The following TCF7L2 variants were observed in gnomAD, a reference collection of about 807,000 sequenced individuals.
TCF7L2 encodes transcription factor 7-like 2.
Under a neutral mutation model 77.9 loss-of-function variants are expected in TCF7L2, and 23 were observed. That is an observed-to-expected ratio of 0.30 (90% CI 0.21 to 0.42). The LOEUF is 0.42. Among genes scored for constraint, TCF7L2 ranks in the 10% least tolerant of loss-of-function variants. The pLI is 1.00. For missense variants in TCF7L2, 654 were observed against 793.1 expected, an observed-to-expected ratio of 0.82 and a Z score of 2.11; for synonymous variants, 413 against 340.2, an observed-to-expected ratio of 1.21 and a Z score of -2.36.
At chr10:113,011,954 T>C (rs1223485141) in intron 4 of TCF7L2, among the ~76,000 whole-genome samples, 3 of 152,302 alleles carry the variant, frequency 2.0e-5, no homozygotes, top group East Asian at 3.9e-4. Flanking sequence ...TGAGCATTAC[T>C]ACCTCAAGGA....
chr10:113,116,552 T>G (rs898859506), intron 5 of TCF7L2, among the ~76,000 whole-genome samples: 2 of 152,222 alleles, frequency 1.3e-5, no homozygotes, highest in African/African-American at 4.8e-5. Flanking sequence ...AAGTACAGAT[T>G]AAGCCTGGGG....
At chr10:113,115,740 G>A (rs1476057320) in intron 5 of TCF7L2, among the ~76,000 whole-genome samples, 8 of 152,008 alleles carry the variant, frequency 5.3e-5, no homozygotes, top group Admixed American at 2.6e-4. Context: ...AGCTGTGTGC[G>A]GCCTCCATTT....
intron 4 of TCF7L2, among the ~76,000 whole-genome samples, chr10:112,983,246 C>G (rs1388623959): frequency 6.6e-6 from 1 of 151,682 alleles, no homozygotes; most frequent in Non-Finnish European, 1.5e-5. Flanking sequence ...CCGAGGCGGG[C>G]AGATCATGAG....
At chr10:112,964,714 A>AATGATG (rs982801293) in intron 4 of TCF7L2, 90 bp downstream of exon 4, 31 of 950,252 alleles carry the variant, frequency 3.3e-5, no homozygotes, top group African/African-American at 8.1e-5. Context: ...CAACTGAGAT[A>AATGATG]ATGATGATGA....
At chr10:113,148,059 G>A (rs2069884656) in intron 8 of TCF7L2, among the ~76,000 whole-genome samples, 1 of 152,200 alleles carries the variant, frequency 6.6e-6, no homozygotes, top group African/African-American at 2.4e-5. Flanking sequence ...GCAAATGTAG[G>A]CAGCTTGCCC....
At chr10:113,028,690 G>A (rs1305241729) in intron 4 of TCF7L2, among the ~76,000 whole-genome samples, 1 of 152,148 alleles carries the variant, frequency 6.6e-6, no homozygotes, top group Admixed American at 6.5e-5. Context: ...CAAGTCTTTC[G>A]TTGTCTTTTG....
intron 5 of TCF7L2, among the ~76,000 whole-genome samples, chr10:113,045,409 G>T (rs776618433): frequency 1.2e-4 from 18 of 152,188 alleles, no homozygotes; most frequent in Non-Finnish European, 2.2e-4. Flanking sequence ...CTCAACCACT[G>T]CAGAGAAGCT....
intron 3 of TCF7L2, among the ~76,000 whole-genome samples, chr10:112,962,825 C>T (rs377114569): frequency 6.6e-6 from 1 of 152,310 alleles, no homozygotes; most frequent in African/African-American, 2.4e-5. Flanking sequence ...TCTCAAACCT[C>T]TGACCTCAGG....
rs2070652304 is a variant in TCF7L2, at chr10:113,151,030, C to T, written c.908C>T (p.Thr303Met). The change falls in exon 9 of 14, where the codon ACG becomes ATG. Residue 303 changes from threonine (T) to methionine (M), a missense_variant. This residue lies in a region of TCF7L2 where 179 missense variants were observed against 270.6 expected (regional missense o/e 0.66). Coordinates refer to ENST00000627217, the MANE Select transcript of TCF7L2 (RefSeq NM_001146274.2). The surrounding 1 kb of genome is among the most constrained non-coding windows in gnomAD (Gnocchi z 5.2). Reference sequence around the variant, plus strand: ...CCCCATATGGTCCCACCACATCATACGCTACACACGACGGGCATTCCGCAT... The same window carrying T: ...CCCCATATGGTCCCACCACATCATATGCTACACACGACGGGCATTCCGCAT... 1 of 1,614,044 alleles carries T rather than the reference C, an allele frequency of 6.2e-7. No individual in the cohort carries two copies.
chr10:113,140,510 T>G (rs546393799), intron 5 of TCF7L2, among the ~76,000 whole-genome samples: 10 of 152,304 alleles, frequency 6.6e-5, no homozygotes, highest in African/African-American at 2.2e-4. Flanking sequence ...TCTAATGAAA[T>G]TCCTAATGAA....
chr10:113,008,656 CTTAT>C (rs911327454), intron 4 of TCF7L2, among the ~76,000 whole-genome samples: 44 of 152,188 alleles, frequency 2.9e-4, no homozygotes, highest in African/African-American at 9.9e-4. Context: ...TGATGTGCTA[CTTAT>C]TTATTTATTT....
intron 11 of TCF7L2, among the ~76,000 whole-genome samples, chr10:113,156,394 G>T (rs1349237338): frequency 6.6e-6 from 1 of 152,210 alleles, no homozygotes; most frequent in African/African-American, 2.4e-5. Context: ...GATTACAGGC[G>T]TGAGCCACCG....
rs2136838967 is a variant in TCF7L2, at chr10:113,141,201, G to C, written c.570G>C (p.Val190=). Residue 190 remains valine (V), a synonymous_variant, in exon 6 of 14, where the codon GTG becomes GTC. Coordinates refer to ENST00000627217, the MANE Select transcript of TCF7L2 (RefSeq NM_001146274.2). ...CCCCACAGTCTAACAAAGTGCCAGT[G>C]GTGCAGCACCCTCACCATGTCCACC... The C allele has an allele frequency of 1.9e-6, 3 of 1,614,084 alleles. No individual in the cohort carries two copies. In the African/African-American group the frequency reaches 4.0e-5, roughly 22 times the overall value.
chr10:113,063,194 C>A (rs1029700993), intron 5 of TCF7L2, among the ~76,000 whole-genome samples: 3 of 152,152 alleles, frequency 2.0e-5, no homozygotes, highest in Non-Finnish European at 2.9e-5. Flanking sequence ...ATGACACCCG[C>A]CCCACCCGAT....
chr10:113,005,412 G>A (rs6585199), intron 4 of TCF7L2, among the ~76,000 whole-genome samples: 80,545 of 152,048 alleles, frequency 0.53, 23,955 homozygotes, highest in African/African-American at 0.79. Context: ...CTCACTGTAG[G>A]CAGGGAGCAT....
At chr10:113,022,838 T>C (rs936462469) in intron 4 of TCF7L2, among the ~76,000 whole-genome samples, 1 of 152,210 alleles carries the variant, frequency 6.6e-6, no homozygotes. Context: ...TGAGTTCATT[T>C]GCCCAAGCTC....
intron 5 of TCF7L2, among the ~76,000 whole-genome samples, chr10:113,070,423 C>T (rs1396605568): frequency 2.6e-5 from 4 of 152,030 alleles, no homozygotes; most frequent in East Asian, 3.9e-4. Context: ...TTTGGGGACA[C>T]CACTTTCCTG....
chr10:113,102,915 C>T (rs1371142824), intron 5 of TCF7L2, among the ~76,000 whole-genome samples: 4 of 152,190 alleles, frequency 2.6e-5, no homozygotes, highest in Non-Finnish European at 5.9e-5. Flanking sequence ...AGAGAAAAAC[C>T]AATATTATTT....
intron 5 of TCF7L2, among the ~76,000 whole-genome samples, chr10:113,102,529 A>G (rs1302607150): frequency 6.0e-5 from 9 of 150,708 alleles, no homozygotes; most frequent in African/African-American, 2.0e-4. Context: ...GGTTCAAGTG[A>G]TTCTCCTGCC....
Sources: allele counts gnomAD v4.1 joint callset (sites outside exome capture counted in the v4.1 genomes callset), GRCh38; gene constraint gnomAD v4.1.1; regional missense constraint gnomAD v4.1.1; non-coding constraint Gnocchi (gnomAD v3.1); transcripts MANE v1.5; gene names NCBI Gene and HGNC (gene_info 2026-07-23, HGNC 2026-07-21).